P4HB: variants seen among roughly 807,000 people sequenced by gnomAD.
The protein encoded by P4HB is prolyl 4-hydroxylase subunit beta.
A neutral mutation model predicts 52.6 loss-of-function variants in P4HB; 20 were observed. The observed-to-expected ratio is 0.38, with a 90% confidence interval of 0.27 to 0.55. The LOEUF is 0.55. P4HB is among the 20% of genes least tolerant of loss of function. The pLI is 0.74. For synonymous variants in P4HB, 296 were observed against 277.9 expected, an observed-to-expected ratio of 1.07 and a Z score of -0.65; for missense variants, 601 against 669.2, an observed-to-expected ratio of 0.90 and a Z score of 1.12.
chr17:81,844,319 A>G (rs2038699813), intron 10 of P4HB, among the ~76,000 whole-genome samples: 1 of 152,144 alleles, frequency 6.6e-6, no homozygotes. Context: ...CAGAGCCCCC[A>G]CTGTGTCAGG....
At chr17:81,851,961 T>C (rs1205238774) in intron 4 of P4HB, among the ~76,000 whole-genome samples, 1 of 152,118 alleles carries the variant, frequency 6.6e-6, no homozygotes, top group South Asian at 2.1e-4. Flanking sequence ...GGCAGGAGGA[T>C]TGCTTGAGCT....
intron 10 of P4HB, 128 bp from the exon 11 acceptor site, chr17:81,844,220 G>A: frequency 1.3e-6 from 1 of 765,726 alleles, no homozygotes. Context: ...CCGGCCACTG[G>A]AGCAGCCAAC....
chr17:81,846,016 A>AG lies in P4HB; in HGVS notation c.1057-26dup, dbSNP rs766591711. 70 of 1,588,772 alleles carry AG rather than the reference A, an allele frequency of 4.4e-5. No individual in the cohort carries two copies. The highest frequency in any genetic ancestry group is 2.1e-4 in the South Asian group (19 of 89,304). ...GCTGGAGGGCAGGCAGGGCACGGTG[A>AG]GGGGCGGCGATGCCTGGGGGACCAC... is the stretch of plus-strand genomic sequence containing the variant. On this transcript the variant is annotated intron_variant, in intron 7 of 10. Transcript: ENST00000331483. The surrounding 1 kb of genome is among the most constrained non-coding windows in gnomAD (Gnocchi z 5.7).
At chr17:81,847,905 CTT>C (rs1193629056) in intron 4 of P4HB, 42 of 123,092 alleles carry the variant, frequency 3.4e-4, no homozygotes, top group South Asian at 7.7e-4. Context: ...AGGTCTTGAT[CTT>C]TTTTTTTTTT....
chr17:81,846,889 G>T lies in P4HB; in HGVS notation c.855+58C>A. On this transcript the variant is annotated intron_variant, in intron 6 of 10. Transcript: ENST00000331483. This position sits in a 1 kb window ranked among gnomAD's most constrained non-coding sequence, Gnocchi z 5.7. The stretch of plus-strand genomic sequence containing the variant: ...GGAAGGCCCCACACTTGTCACCTCG[G>T]GAAGAGTTGTACTGCTCCCTGGCAC... The T allele has an allele frequency of 6.2e-7, 1 of 1,604,724 alleles. No homozygotes were observed. Among genetic ancestry groups the T allele is most frequent in the Non-Finnish European group, 8.5e-7 (1 of 1,174,518 alleles).
chr17:81,855,044 G>A lies in P4HB; in HGVS notation c.624+98C>T. ...AGAACATACCTATTGGGCCAAAGGT[G>A]CCAGGAGCAAGGTTCCCTTAACGAT... On this transcript the variant is annotated intron_variant, in intron 4 of 10. Transcript: ENST00000331483. The surrounding 1 kb of genome is among the most constrained non-coding windows in gnomAD (Gnocchi z 4.3). 1.6e-6 allele frequency: 2 copies of A among 1,220,418 alleles called. No homozygotes were observed. The highest frequency in any genetic ancestry group is 2.4e-6 in the Non-Finnish European group (2 of 836,120). 75.6% of individuals were successfully genotyped at this position (1,220,418 alleles called of 1,614,324 possible).
intron 2 of P4HB, among the ~76,000 whole-genome samples, chr17:81,857,463 T>G (rs576060236): frequency 9.4e-4 from 143 of 152,332 alleles, no homozygotes; most frequent in Middle Eastern, 3.4e-3. Context: ...CTCTGCGTTA[T>G]CTAAATTTTC....
intron 1 of P4HB, chr17:81,859,786 G>C: frequency 3.5e-6 from 1 of 284,914 alleles, no homozygotes; most frequent in Non-Finnish European, 6.9e-6. Context: ...CTGTGAGTAT[G>C]AGATGCACAT....
In P4HB at chr17:81,846,237, C is replaced by T. The variant is rs1434233092; in HGVS notation, c.1056+192G>A. On this transcript the variant is annotated intron_variant, in intron 7 of 10. Transcript: ENST00000331483. This position sits in a 1 kb window ranked among gnomAD's most constrained non-coding sequence, Gnocchi z 5.7. Reference sequence around the variant, plus strand: ...TTCCCTGAGGAGCATCTGGGCCAGCCGTGTGGACAAGAGGGCTCCTACAGG... The same window carrying T: ...TTCCCTGAGGAGCATCTGGGCCAGCTGTGTGGACAAGAGGGCTCCTACAGG... The T allele has an allele frequency of 2.9e-5, 21 of 716,980 alleles. No individual in the cohort carries two copies. The East Asian group carries it at 4.9e-4, about 17-fold the overall frequency. The allele number at this position is 716,980 out of a possible 1,614,324, so 44.4% of individuals were successfully genotyped here. A position where few individuals can be genotyped will look rare whatever the true frequency, so the allele number is the denominator to read the frequency against.
At chr17:81,852,833 A>G (rs1490738732) in intron 4 of P4HB, among the ~76,000 whole-genome samples, 1 of 152,270 alleles carries the variant, frequency 6.6e-6, no homozygotes, top group African/African-American at 2.4e-5. Context: ...CATCCAGGGC[A>G]CTGAAGGAGC....
At chr17:81,856,710 C>T (rs892860303) in intron 2 of P4HB, among the ~76,000 whole-genome samples, 2 of 142,798 alleles carry the variant, frequency 1.4e-5, no homozygotes, top group Non-Finnish European at 3.0e-5. Flanking sequence ...AATGCAGTGG[C>T]GCCATCCTGG....
intron 4 of P4HB, among the ~76,000 whole-genome samples, chr17:81,852,584 C>G (rs2038849621): frequency 6.6e-6 from 1 of 152,270 alleles, no homozygotes; most frequent in South Asian, 2.1e-4. Context: ...TCACAGACAC[C>G]TGAGCCACCT....
intron 5 of P4HB, 39 bp from the exon 6 acceptor site, chr17:81,847,111 A>C: frequency 6.2e-7 from 1 of 1,613,296 alleles, no homozygotes; most frequent in Non-Finnish European, 8.5e-7. Flanking sequence ...TGAGTCACAC[A>C]CTATTAATGC....
chr17:81,859,067 C>T, intron 2 of P4HB, 114 bp downstream of exon 2: 1 of 927,586 alleles, frequency 1.1e-6, no homozygotes, highest in Non-Finnish European at 1.7e-6. Flanking sequence ...AACGGGATCC[C>T]TCCAAGCCTC....
In P4HB at chr17:81,860,408, C is replaced by T. The variant is rs2038981266; in HGVS notation, c.64G>A (p.Glu22Lys). 2.8e-6 allele frequency: 4 copies of T among 1,442,346 alleles called. No individual in the cohort carries two copies. In the South Asian group the frequency reaches 4.2e-5, roughly 15 times the overall value. 89.3% of individuals were successfully genotyped at this position (1,442,346 alleles called of 1,614,324 possible). Residue 22 changes from glutamate (E) to lysine (K), a missense_variant, in exon 1 of 11, where the codon GAG becomes AAG. Physicochemically the swap from Glu to Lys is moderately conservative, Grantham distance 56 (BLOSUM62 1). Transcript: ENST00000331483. ...CGCAGCACCAGGACGTGGTCCTCCT[C>T]CTCGGGGGCGTCGGCGCGCACCAGG... ...AALVRADAPE[E>K]EDHVLVLRKS...
intron 10 of P4HB, among the ~76,000 whole-genome samples, 158 bp from the exon 11 acceptor site, chr17:81,844,250 A>C (rs934707047): frequency 6.9e-6 from 1 of 145,340 alleles, no homozygotes. Context: ...TACGAGCTAC[A>C]CAGGGGTCTT....
chr17:81,853,329 T>A (rs923870758), intron 4 of P4HB, among the ~76,000 whole-genome samples: 1 of 152,022 alleles, frequency 6.6e-6, no homozygotes, highest in East Asian at 1.9e-4. Context: ...TCCCAGCACT[T>A]TGGGAGGCCA....
chr17:81,857,874 C>T lies in P4HB; in HGVS notation c.352+1307G>A, dbSNP rs143050953. Among the ~76,000 whole-genome samples, 292 of 152,316 alleles carry T rather than the reference C, an allele frequency of 1.9e-3. 2 individuals carry two copies. Among genetic ancestry groups the T allele is most frequent in the African/African-American group, 6.6e-3 (275 of 41,570 alleles). On this transcript the variant is annotated intron_variant, in intron 2 of 10. Transcript: ENST00000331483. ...AAGGATTCCACCAGTGCTAACAAGA[C>T]GGTCACCAGTGACAAGTGGATTTAG...
At position 81,855,919 on chromosome 17, in the gene P4HB, AG is replaced by A. The variant is rs1282351155; in HGVS notation, c.353-334del. On this transcript the variant is annotated intron_variant, in intron 2 of 10. Transcript: ENST00000331483. This position sits in a 1 kb window ranked among gnomAD's most constrained non-coding sequence, Gnocchi z 4.3. ...GGGGCTCACTCTGTTACCCAGCTGG[AG>A]GGTAGTGGCAGAATCTTGGCTCACT... The A allele has an allele frequency of 4.3e-6, 1 of 231,940 alleles. No homozygotes were observed. The highest frequency in any genetic ancestry group is 9.9e-5 in the East Asian group (1 of 10,060). 14.4% of individuals were successfully genotyped at this position (231,940 alleles called of 1,614,324 possible).
Sources: gnomAD v4.1 joint callset for allele counts (sites outside exome capture counted in the v4.1 genomes callset) on GRCh38, gnomAD v4.1.1 for gene constraint, Gnocchi (gnomAD v3.1) non-coding constraint, MANE v1.5 for transcripts, NCBI Gene and HGNC (gene_info 2026-07-23, HGNC 2026-07-21) for gene names.